The following MAN2A2 variants were observed in gnomAD, a reference collection of about 807,000 sequenced individuals.
The protein encoded by MAN2A2 is mannosidase alpha class 2A member 2, also known as alpha-mannosidase 2x.
MAN2A2 carries 79 observed loss-of-function variants against 126.8 expected under a neutral mutation model. The ratio of observed to expected loss-of-function variants is 0.62; its 90% CI spans 0.52 to 0.75. MAN2A2 has a LOEUF of 0.75. MAN2A2 is among the 30% of genes least tolerant of loss of function. The probability of loss-of-function intolerance (pLI) is 0.00; values close to 1 mark genes in which losing one functional copy is unlikely to be tolerated. For synonymous variants in MAN2A2, 671 were observed against 618.7 expected (o/e 1.08, Z -1.25); for missense variants, 1,392 against 1,522.4 (o/e 0.91, Z 1.43).
intron 2 of MAN2A2, 95 bp downstream of exon 2, chr15:90,904,434 CT>C: frequency 7.4e-7 from 1 of 1,354,418 alleles, no homozygotes; most frequent in Non-Finnish European, 1.0e-6. Context: ...CCACCCCCCG[CT>C]GGAGGGTAAT....
At chr15:90,912,818 G>C (rs1411468771) in intron 16 of MAN2A2, 59 bp from the exon 17 acceptor site, 2 of 1,561,080 alleles carry the variant, frequency 1.3e-6, no homozygotes, top group African/African-American at 2.7e-5. Context: ...CCCTGGGCTG[G>C]CACCTTCCTG....
Position 90,904,186 on chromosome 15 carries a change from C to T in MAN2A2, c.-18-4C>T, listed in dbSNP as rs978482224. 1 of 1,614,118 alleles carries T rather than the reference C, an allele frequency of 6.2e-7. No homozygotes were observed. The highest frequency in any genetic ancestry group is 8.5e-7 in the Non-Finnish European group (1 of 1,179,978). On this transcript the variant is annotated splice_region_variant and splice_polypyrimidine_tract_variant and intron_variant, in intron 1 of 22. Transcript: ENST00000559717. ...GGAGCTACAGATGGTGTCCTTCCTG[C>T]CAGGTGTGTGTGGAGGCCAGTATGA...
At chr15:90,916,708 C>G (rs554224043) in intron 20 of MAN2A2, 1 of 1,266,180 alleles carries the variant, frequency 7.9e-7, no homozygotes, top group Non-Finnish European at 1.0e-6. Context: ...CAAGGTGTAG[C>G]TGCGCCAGAG....
intron 19 of MAN2A2, among the ~76,000 whole-genome samples, chr15:90,914,579 G>A (rs542899957): frequency 1.3e-5 from 2 of 152,174 alleles, no homozygotes; most frequent in South Asian, 4.1e-4. Flanking sequence ...GAGTGCAGTG[G>A]TGCAATCTCC....
At chr15:90,911,880 T>C in intron 14 of MAN2A2, 163 bp from the exon 15 acceptor site, 1 of 680,378 alleles carries the variant, frequency 1.5e-6, no homozygotes, top group Non-Finnish European at 2.6e-6. Flanking sequence ...TCATAAAGTC[T>C]GATGAGGAAG....
chr15:90,917,880 C>A, intron 20 of MAN2A2: 1 of 321,512 alleles, frequency 3.1e-6, no homozygotes, highest in Non-Finnish European at 5.9e-6. Flanking sequence ...ATCCTCCCTG[C>A]ACTGTGGATC....
Position 90,906,419 on chromosome 15 carries a change from C to G in MAN2A2, c.757C>G (p.Pro253Ala), listed in dbSNP as rs994077671. 16 of 1,614,002 alleles carry G rather than the reference C, an allele frequency of 9.9e-6. No homozygotes were observed. The highest frequency in any genetic ancestry group is 5.0e-5 in the Admixed American group (3 of 60,000). The change falls in exon 6 of 23, where the codon CCA becomes GCA. Residue 253 changes from proline to alanine, a missense_variant. By Grantham distance (27) the Pro-to-Ala change is conservative. Transcript: ENST00000559717. ...LEIATGGWVMPDEANSHYFAL... is the reference protein window; with the variant it reads ...LEIATGGWVMADEANSHYFAL... The stretch of plus-strand genomic sequence containing the variant: ...GATTGCGACAGGAGGCTGGGTGATG[C>G]CAGATGAGGCCAATTCCCACTACTT...
chr15:90,913,636 A>G lies in MAN2A2; in HGVS notation c.2741A>G (p.Lys914Arg). The G allele has an allele frequency of 6.2e-7, 1 of 1,612,830 alleles. No individual in the cohort carries two copies. The highest frequency in any genetic ancestry group is 8.5e-7 in the Non-Finnish European group (1 of 1,179,608). The change falls in exon 19 of 23, where the codon AAG becomes AGG. Residue 914 changes from lysine (K) to arginine (R), a missense_variant. Lys to Arg is a conservative substitution (Grantham distance 26). Transcript: ENST00000559717. Reference sequence around the variant, plus strand: ...CAGGTGCAGCCCCGACGGTATCTGAAGAAGCTCCCCCTCCAGGCCAACTTC... The same window carrying G: ...CAGGTGCAGCCCCGACGGTATCTGAGGAAGCTCCCCCTCCAGGCCAACTTC... ...GFQVQPRRYL[K>R]KLPLQANFYP...
In MAN2A2 at chr15:90,906,742, G is replaced by A. The variant is rs1334538738; in HGVS notation, c.838G>A (p.Ala280Thr). 3 of 1,611,358 alleles carry A rather than the reference G, an allele frequency of 1.9e-6. No individual in the cohort carries two copies. Among genetic ancestry groups the A allele is most frequent in the East Asian group, 2.2e-5 (1 of 44,880 alleles). Residue 280 changes from alanine (A) to threonine (T), a missense_variant and splice_region_variant, in exon 7 of 23, where the codon GCA (alanine) becomes ACA (threonine). Coordinates refer to ENST00000559717, the MANE Select transcript of MAN2A2 (RefSeq NM_006122.4). ...GHQWLERNLG[A>T]TPRSGWAVDP... ...TCTGGCTTCCATGCCCTGCCCAGGT[G>A]CAACCCCCCGCTCTGGCTGGGCAGT... is the stretch of plus-strand genomic sequence containing the variant.
chr15:90,912,082 G>T lies in MAN2A2; in HGVS notation c.2149G>T (p.Val717Leu), dbSNP rs763436758. ...CCGCCTGCCAGCCCTGGGCCTGGGC[G>T]TGCTGCAGCTACAGCTGGGCCTGGA... ...PVRLPALGLGVLQLQLGLDGH... is the reference protein window; with the variant it reads ...PVRLPALGLGLLQLQLGLDGH... The change falls in exon 15 of 23, where the codon GTG becomes TTG. Residue 717 changes from valine (V) to leucine (L), a missense_variant. Physicochemically the swap from Val to Leu is conservative, Grantham distance 32. Coordinates refer to ENST00000559717, the MANE Select transcript of MAN2A2 (RefSeq NM_006122.4). 2 of 1,612,738 alleles carry T rather than the reference G, an allele frequency of 1.2e-6. No homozygotes were observed. Among genetic ancestry groups the T allele is most frequent in the South Asian group, 2.2e-5 (2 of 90,962 alleles).
Position 90,918,235 on chromosome 15 carries a change from C to T in MAN2A2, c.3036C>T (p.Ser1012=). 6.2e-7 allele frequency: 1 copy of T among 1,614,020 alleles called. No individual in the cohort carries two copies. The highest frequency in any genetic ancestry group is 1.7e-5 in the Admixed American group (1 of 60,026). ...SHSTSYPSLL[S]HLTSMYLNAP... is the part of the protein sequence containing the mutation. ...CTACCAGCTACCCATCCCTCCTCAG[C>T]CACCTGACCTCCATGTACCTGAACG... The change falls in exon 21 of 23, where the codon AGC becomes AGT. Residue 1012 remains serine (S), a synonymous_variant. Coordinates refer to ENST00000559717, the MANE Select transcript of MAN2A2 (RefSeq NM_006122.4).
chr15:90,906,092 A>G (rs1176949388), intron 5 of MAN2A2, 76 bp downstream of exon 5: 8 of 1,582,604 alleles, frequency 5.1e-6, no homozygotes, highest in East Asian at 2.2e-5. Context: ...ACCTTAAGCT[A>G]TGGGTGCCAA....
Position 90,916,159 on chromosome 15 carries a change from A to G in MAN2A2, c.2897A>G (p.Gln966Arg). The G allele has an allele frequency of 1.2e-6, 2 of 1,614,118 alleles. No individual in the cohort carries two copies. Among genetic ancestry groups the G allele is most frequent in the Non-Finnish European group, 8.5e-7 (1 of 1,180,044 alleles). Residue 966 changes from glutamine to arginine, a missense_variant, in exon 20 of 23, where the codon CAG becomes CGG. Transcript: ENST00000559717. ...GTGATCTTGGACCGGCGGCTGATGC[A>G]GGATGACAACCGGGGCCTAGGCCAA... The part of the protein sequence containing the change: ...LEVILDRRLM[Q>R]DDNRGLGQGL...
At position 90,911,570 on chromosome 15, in the gene MAN2A2, G is replaced by C. The variant is rs1486482319; in HGVS notation, c.2109+20G>C. ...TACCAGGTGAGGTGTGGGCTTGTCA[G>C]GTGGGCCTGGCCCTCTGCCCGTCGT... is the stretch of plus-strand genomic sequence containing the variant. On this transcript the variant is annotated intron_variant, in intron 14 of 22. Coordinates refer to ENST00000559717, the MANE Select transcript of MAN2A2 (RefSeq NM_006122.4). The C allele has an allele frequency of 1.9e-5, 31 of 1,597,600 alleles. No individual in the cohort carries two copies. Among genetic ancestry groups the C allele is most frequent in the Non-Finnish European group, 2.6e-5 (30 of 1,170,820 alleles).
chr15:90,916,046 G>C, intron 19 of MAN2A2, 77 bp from the exon 20 acceptor site: 2 of 1,531,706 alleles, frequency 1.3e-6, no homozygotes, highest in South Asian at 2.3e-5. Context: ...AGGGCCTGTG[G>C]CTTGGGATTC....
At chr15:90,906,065 C>T in intron 5 of MAN2A2, 49 bp downstream of exon 5, 1 of 1,609,476 alleles carries the variant, frequency 6.2e-7, no homozygotes, top group Non-Finnish European at 8.5e-7. Context: ...GAGCCCCAGG[C>T]TGGGTGGACG....
chr15:90,912,105 G>T lies in MAN2A2; in HGVS notation c.2172G>T (p.Leu724=). Residue 724 remains leucine, a synonymous_variant, in exon 15 of 23, where the codon CTG becomes CTT. Transcript: ENST00000559717. ...GLGVLQLQLG[L]DGHRTLPSSV... ...GCGTGCTGCAGCTACAGCTGGGCCT[G>T]GATGGGCACCGCACGCTGCCCTCCT... 8 of 1,613,610 alleles carry T rather than the reference G, an allele frequency of 5.0e-6. No individual in the cohort carries two copies. Among genetic ancestry groups the T allele is most frequent in the Non-Finnish European group, 6.8e-6 (8 of 1,179,976 alleles).
intron 20 of MAN2A2, chr15:90,916,484 G>A (rs1596176987): frequency 1.4e-5 from 17 of 1,215,258 alleles, no homozygotes; most frequent in Middle Eastern, 2.0e-4. Context: ...CCTCATGTTC[G>A]TCTCCCACTT....
Position 90,912,915 on chromosome 15 carries a change from T to C in MAN2A2, c.2508T>C (p.Thr836=), listed in dbSNP as rs2034876127. The change falls in exon 17 of 23, where the codon ACT becomes ACC. Residue 836 remains threonine, a synonymous_variant. Coordinates refer to ENST00000559717, the MANE Select transcript of MAN2A2 (RefSeq NM_006122.4). ...VPKEPPVLRV[T]EGPFFSEVVA... ...AGGAGCCCCCCGTGCTGCGTGTCAC[T>C]GAAGGCCCTTTCTTCTCAGAGGTGG... 1.9e-6 allele frequency: 3 copies of C among 1,614,000 alleles called. No individual in the cohort carries two copies. The highest frequency in any genetic ancestry group is 2.7e-5 in the African/African-American group (2 of 74,924).
Sources: gnomAD v4.1 joint callset for allele counts (sites outside exome capture counted in the v4.1 genomes callset) on GRCh38, gnomAD v4.1.1 for gene constraint, MANE v1.5 for transcripts, NCBI Gene and HGNC (gene_info 2026-07-23, HGNC 2026-07-21) for gene names.